The following EPB41L5 variants were observed in gnomAD, a reference collection of about 807,000 sequenced individuals.
EPB41L5 encodes the protein erythrocyte membrane protein band 4.1 like 5.
In EPB41L5, 55 loss-of-function variants were observed where a neutral mutation model predicts 106.6. That is an observed-to-expected ratio of 0.52 (90% CI 0.42 to 0.65). The LOEUF (loss-of-function observed/expected upper bound fraction) is 0.65. EPB41L5 is among the 30% of genes least tolerant of loss of function. EPB41L5 has a pLI of 0.00. For synonymous variants in EPB41L5, 297 were observed against 306.7 expected (o/e 0.97, Z 0.33); for missense variants, 871 against 882.1 (o/e 0.99, Z 0.16).
chr2:120,122,054 C>A (rs1458706495), intron 16 of EPB41L5, among the ~76,000 whole-genome samples: 3 of 152,056 alleles, frequency 2.0e-5, no homozygotes, highest in Admixed American at 2.0e-4. Context: ...TGTTTAAGTT[C>A]TTTGTAGATT....
intron 20 of EPB41L5, among the ~76,000 whole-genome samples, chr2:120,159,837 C>A (rs1418767206): frequency 6.6e-6 from 1 of 152,126 alleles, no homozygotes; most frequent in Non-Finnish European, 1.5e-5. Flanking sequence ...TGCTGGCAGA[C>A]TGGATTTTTA....
At chr2:120,052,486 G>A (rs59790320) in intron 3 of EPB41L5, among the ~76,000 whole-genome samples, 7,397 of 152,202 alleles carry the variant, frequency 0.049, 212 homozygotes, top group African/African-American at 0.066. Context: ...TAACTATTTT[G>A]TGGGCAGTTA....
intron 14 of EPB41L5, among the ~76,000 whole-genome samples, chr2:120,095,576 ATGTT>A (rs1241932713): frequency 6.6e-6 from 1 of 151,214 alleles, no homozygotes; most frequent in Admixed American, 6.6e-5. Flanking sequence ...AACCACTTAA[ATGTT>A]TGTTTCACTG....
At chr2:120,024,932 C>A (rs1574475089) in intron 2 of EPB41L5, among the ~76,000 whole-genome samples, 1 of 152,074 alleles carries the variant, frequency 6.6e-6, no homozygotes, top group Non-Finnish European at 1.5e-5. Context: ...ATTTTCGCAT[C>A]GATGTTCATC....
At chr2:120,129,778 C>CA (rs1472976450) in intron 17 of EPB41L5, among the ~76,000 whole-genome samples, 1 of 152,112 alleles carries the variant, frequency 6.6e-6, no homozygotes, top group Non-Finnish European at 1.5e-5. Flanking sequence ...CTTGGATGAG[C>CA]AATTTGCAAG....
chr2:120,167,949 A>G lies in EPB41L5; in HGVS notation c.2077A>G (p.Lys693Glu). 1 of 1,614,136 alleles carries G rather than the reference A, an allele frequency of 6.2e-7. No individual in the cohort carries two copies. Among genetic ancestry groups the G allele is most frequent in the South Asian group, 1.1e-5 (1 of 91,076 alleles). Residue 693 changes from lysine to glutamate, a missense_variant, in exon 24 of 25, where the codon AAA (lysine) becomes GAA (glutamate). By Grantham distance (56) the Lys-to-Glu change is moderately conservative. Coordinates refer to ENST00000263713, the MANE Select transcript of EPB41L5 (RefSeq NM_020909.4). ...LLTGKEGHGN[K>E]DGISLISPPA... ...GACAGGGAAGGAGGGACATGGTAAT[A>G]AAGATGGAATCTCACTGATCTCTCC...
chr2:120,110,359 A>G (rs1380077321), intron 16 of EPB41L5, among the ~76,000 whole-genome samples: 3 of 152,200 alleles, frequency 2.0e-5, no homozygotes, highest in Admixed American at 1.3e-4. Flanking sequence ...TGTTTAAGGA[A>G]CTTTCCCGTA....
At chr2:120,044,137 C>G (rs1407150176) in intron 3 of EPB41L5, among the ~76,000 whole-genome samples, 1 of 142,124 alleles carries the variant, frequency 7.0e-6, no homozygotes, top group Non-Finnish European at 1.5e-5. Flanking sequence ...AAGACCCTGT[C>G]TCTTAAAAAA....
At chr2:120,112,546 G>A (rs1469124991) in intron 16 of EPB41L5, among the ~76,000 whole-genome samples, 1 of 152,208 alleles carries the variant, frequency 6.6e-6, no homozygotes, top group Non-Finnish European at 1.5e-5. Flanking sequence ...AAGAAGAGTA[G>A]AAGTGGTTGA....
chr2:120,038,874 C>T (rs1679210944), intron 2 of EPB41L5, among the ~76,000 whole-genome samples: 1 of 152,190 alleles, frequency 6.6e-6, no homozygotes, highest in Non-Finnish European at 1.5e-5. Context: ...ACTTACACAC[C>T]AGTGTTCGTG....
chr2:120,153,684 T>A (rs1357798832), intron 20 of EPB41L5, among the ~76,000 whole-genome samples: 4 of 152,214 alleles, frequency 2.6e-5, no homozygotes, highest in Non-Finnish European at 4.4e-5. Context: ...TTGATAGTTC[T>A]GTATATGTTT....
chr2:120,160,999 A>G, intron 21 of EPB41L5, 25 bp downstream of exon 21: 1 of 1,585,972 alleles, frequency 6.3e-7, no homozygotes, highest in Non-Finnish European at 8.7e-7. Flanking sequence ...ACTTCTTAAA[A>G]TTTTTGCCAA....
chr2:120,104,804 C>T (rs1055914717), intron 16 of EPB41L5: 49 of 922,316 alleles, frequency 5.3e-5, no homozygotes, highest in African/African-American at 2.5e-4. Context: ...TTAATAAACA[C>T]GAATATTTTA....
chr2:120,167,907 G>A lies in EPB41L5; in HGVS notation c.2035G>A (p.Gly679Arg). 1 of 1,614,102 alleles carries A rather than the reference G, an allele frequency of 6.2e-7. No individual in the cohort carries two copies. Among genetic ancestry groups the A allele is most frequent in the Non-Finnish European group, 8.5e-7 (1 of 1,180,008 alleles). ...TGGTGCCATGTCTAATGGACTTGCG[G>A]GATGTGAAATGCTTTTGACAGGGAA... ...QSGAMSNGLA[G>R]CEMLLTGKEG... The change falls in exon 24 of 25, where the codon GGA (glycine) becomes AGA (arginine). Residue 679 changes from glycine to arginine, a missense_variant. Transcript: ENST00000263713.
chr2:120,109,715 AAAAG>A (rs1041454495), intron 16 of EPB41L5, among the ~76,000 whole-genome samples: 60 of 152,206 alleles, frequency 3.9e-4, no homozygotes, highest in African/African-American at 1.4e-3. Context: ...CATCATTTAA[AAAAG>A]AACTCCCTTG....
chr2:120,117,265 T>G (rs1210733470), intron 16 of EPB41L5, among the ~76,000 whole-genome samples: 1 of 152,176 alleles, frequency 6.6e-6, no homozygotes, highest in Non-Finnish European at 1.5e-5. Flanking sequence ...CTGGCTTCTA[T>G]TTGGTTAATA....
At chr2:120,093,559 A>G (rs113987451) in intron 14 of EPB41L5, among the ~76,000 whole-genome samples, 2 of 152,368 alleles carry the variant, frequency 1.3e-5, no homozygotes, top group African/African-American at 4.8e-5. Context: ...AAGATAAATT[A>G]TGATCCTTAT....
At chr2:120,104,239 G>A (rs1421036153) in intron 16 of EPB41L5, 5 of 1,535,378 alleles carry the variant, frequency 3.3e-6, no homozygotes, top group African/African-American at 1.4e-5. Context: ...ACTGAGATAT[G>A]AGTGTTGAGC....
At chr2:120,100,583 G>T (rs1684078643) in intron 15 of EPB41L5, 116 bp from the exon 16 acceptor site, 1 of 760,628 alleles carries the variant, frequency 1.3e-6, no homozygotes, top group East Asian at 2.5e-5. Flanking sequence ...TAAAATTCAA[G>T]CATTTGTATA....
Sources: allele counts gnomAD v4.1 joint callset (sites outside exome capture counted in the v4.1 genomes callset), GRCh38; gene constraint gnomAD v4.1.1; transcripts MANE v1.5; gene names NCBI Gene and HGNC (gene_info 2026-07-23, HGNC 2026-07-21).